Variants in ATP11A observed in about 807,000 individuals in gnomAD.
The protein encoded by ATP11A is phospholipid-transporting ATPase IH.
ATP11A carries 81 observed loss-of-function variants against 154.4 expected under a neutral mutation model. The observed-to-expected ratio is 0.52, with a 90% CI of 0.44 to 0.63. The LOEUF (loss-of-function observed/expected upper bound fraction) is 0.63. Ranked by LOEUF, ATP11A falls within the 30% of genes least tolerant of loss-of-function variation. ATP11A has a pLI of 0.00. For synonymous variants in ATP11A, 623 were observed against 585.9 expected (o/e 1.06, Z -0.91); for missense variants, 1,316 against 1,474.3 (o/e 0.89, Z 1.76).
At chr13:112,820,038 G>A (rs146635550) in intron 8 of ATP11A, 88 bp downstream of exon 8, 79 of 1,301,136 alleles carry the variant, frequency 6.1e-5, no homozygotes, top group Non-Finnish European at 8.0e-5. Context: ...TTTCCACGGC[G>A]GCTGCTCTGG....
intron 1 of ATP11A, among the ~76,000 whole-genome samples, chr13:112,778,523 C>T (rs1354143503): frequency 6.6e-6 from 1 of 152,260 alleles, no homozygotes; most frequent in Non-Finnish European, 1.5e-5. Context: ...TGCTTGAGCC[C>T]AGGAGTTCAA....
chr13:112,857,786 G>A, intron 20 of ATP11A, 32 bp from the exon 21 acceptor site: 1 of 1,547,496 alleles, frequency 6.5e-7, no homozygotes, highest in African/African-American at 1.4e-5. Context: ...GTGAAACAGA[G>A]AAGATAAATT....
rs999529465 is a variant in ATP11A, at chr13:112,883,433, G to A, written c.*1567G>A. The A allele has an allele frequency of 1.1e-5, 4 of 378,138 alleles. No individual in the cohort carries two copies. The highest frequency in any genetic ancestry group is 8.3e-5 in the African/African-American group (4 of 48,214). 23.4% of individuals were successfully genotyped at this position (378,138 alleles called of 1,614,324 possible). A position where few individuals can be genotyped will look rare whatever the true frequency, so the allele number is the denominator to read the frequency against. On this transcript the variant is annotated 3_prime_UTR_variant, in exon 30 of 30. Transcript: ENST00000375645. The stretch of plus-strand genomic sequence containing the variant: ...CGCTGGAGGAGGAGCCGGCCCTCAC[G>A]CCCGCCCCGCGCCACGCTGTGGAAC...
chr13:112,760,769 G>A (rs1594584107), intron 1 of ATP11A, among the ~76,000 whole-genome samples: 2 of 152,268 alleles, frequency 1.3e-5, no homozygotes, highest in Non-Finnish European at 2.9e-5. Context: ...GCTTTGATCT[G>A]AATTTGATAA....
chr13:112,748,409 A>G (rs1292919057), intron 1 of ATP11A, among the ~76,000 whole-genome samples: 1 of 152,014 alleles, frequency 6.6e-6, no homozygotes, highest in African/African-American at 2.4e-5. Context: ...TCTGTTGTGC[A>G]GGCTGGAGAG....
At chr13:112,810,791 C>G in intron 5 of ATP11A, 65 bp downstream of exon 5, 1 of 1,474,920 alleles carries the variant, frequency 6.8e-7, no homozygotes, top group Non-Finnish European at 9.4e-7. Context: ...TAAGTTTTAC[C>G]CAGGTGCAGT....
intron 1 of ATP11A, among the ~76,000 whole-genome samples, chr13:112,751,658 AAAAACAAAAC>A (rs910520013): frequency 6.6e-6 from 1 of 151,756 alleles, no homozygotes; most frequent in Non-Finnish European, 1.5e-5. Flanking sequence ...GCTCCATCTC[AAAAACAAAAC>A]AAAACAAAAC....
chr13:112,729,346 C>T (rs1156917160), intron 1 of ATP11A, among the ~76,000 whole-genome samples: 1 of 152,236 alleles, frequency 6.6e-6, no homozygotes, highest in Non-Finnish European at 1.5e-5. Context: ...CCGACTCTGC[C>T]CACTGAGGCA....
chr13:112,854,368 C>T lies in ATP11A; in HGVS notation c.2081C>T (p.Ala694Val), dbSNP rs769283550. The T allele has an allele frequency of 6.2e-7, 1 of 1,614,038 alleles. No individual in the cohort carries two copies. Among genetic ancestry groups the T allele is most frequent in the Non-Finnish European group, 8.5e-7 (1 of 1,180,034 alleles). ...WVLTGDKMETAAATCYACKLF... is the reference protein window; with the variant it reads ...WVLTGDKMETVAATCYACKLF... ...CTCACGGGAGACAAGATGGAGACGG[C>T]CGCGGCCACGTGCTACGCCTGCAAG... Residue 694 changes from alanine (A) to valine (V), a missense_variant, in exon 19 of 30, where the codon GCC (alanine) becomes GTC (valine). Physicochemically the swap from Ala to Val is moderately conservative, Grantham distance 64 (BLOSUM62 0). Transcript: ENST00000375645.
At chr13:112,700,759 A>G (rs1886423917) in intron 1 of ATP11A, among the ~76,000 whole-genome samples, 1 of 152,216 alleles carries the variant, frequency 6.6e-6, no homozygotes, top group South Asian at 2.1e-4. Flanking sequence ...TCTCAAACCC[A>G]GGGCCTGCAA....
rs142006780 is a variant in ATP11A at position 112,822,705 on chromosome 13, C to T, written c.726-640C>T. Among the ~76,000 whole-genome samples, 755 of 148,086 alleles carry T rather than the reference C, an allele frequency of 5.1e-3. 3 individuals carry two copies. The highest frequency in any genetic ancestry group is 7.2e-3 in the Non-Finnish European group (484 of 67,532). On this transcript the variant is annotated intron_variant, in intron 8 of 29. Coordinates refer to ENST00000375645, the MANE Select transcript of ATP11A (RefSeq NM_015205.3). Reference sequence around the variant, plus strand: ...GGTCAAGGCTGCAATGAGCTATGATCGTGCCCCCAGCCTGGGCGACAGAGT... The same window carrying T: ...GGTCAAGGCTGCAATGAGCTATGATTGTGCCCCCAGCCTGGGCGACAGAGT...
chr13:112,802,436 G>C (rs190189866), intron 2 of ATP11A, among the ~76,000 whole-genome samples: 116 of 151,500 alleles, frequency 7.7e-4, no homozygotes, highest in Non-Finnish European at 1.5e-3. Context: ...CACCCAGATA[G>C]TCAACCCATT....
At position 112,733,488 on chromosome 13, in the gene ATP11A, T is replaced by C. The variant is rs917032992; in HGVS notation, c.39+43033T>C. Among the ~76,000 whole-genome samples the C allele has an allele frequency of 2.0e-5, 3 of 152,252 alleles. No homozygotes were observed. The East Asian group carries it at 5.8e-4, about 29-fold the overall frequency. On this transcript the variant is annotated intron_variant, in intron 1 of 29. Transcript: ENST00000375645. The stretch of plus-strand genomic sequence containing the variant: ...AACAATTTAAAACACCTTTGACATA[T>C]TTTCATTTGTATTTCATGTCTTGAT...
At chr13:112,846,691 G>A (rs1317264807) in intron 17 of ATP11A, among the ~76,000 whole-genome samples, 1 of 152,230 alleles carries the variant, frequency 6.6e-6, no homozygotes, top group African/African-American at 2.4e-5. Flanking sequence ...CCTGCGTGAT[G>A]GTGGCCTGTG....
intron 1 of ATP11A, among the ~76,000 whole-genome samples, chr13:112,761,743 A>G (rs1249231361): frequency 6.6e-6 from 1 of 152,100 alleles, no homozygotes; most frequent in Non-Finnish European, 1.5e-5. Flanking sequence ...GCCCCTGAGG[A>G]TAAGGGGGTT....
chr13:112,741,566 G>A (rs1211725729), intron 1 of ATP11A, among the ~76,000 whole-genome samples: 2 of 152,280 alleles, frequency 1.3e-5, no homozygotes, highest in East Asian at 3.9e-4. Flanking sequence ...GGAGGCACTA[G>A]CCAACTGGGG....
At chr13:112,801,018 C>G (rs1453506487) in intron 2 of ATP11A, among the ~76,000 whole-genome samples, 2 of 152,134 alleles carry the variant, frequency 1.3e-5, no homozygotes, top group Non-Finnish European at 2.9e-5. Context: ...CTCCGAAAAG[C>G]CCTACAGCTG....
In ATP11A at chr13:112,878,138, G is replaced by A. The variant is rs939933644; in HGVS notation, c.3328-79G>A. On this transcript the variant is annotated intron_variant, in intron 28 of 29. Coordinates refer to ENST00000375645, the MANE Select transcript of ATP11A (RefSeq NM_015205.3). ...TTCTCTTTCCTTCCCATTTCCTTCC[G>A]TCTTCCGACCGCTTTGCCTAAATCC... 2.2e-5 allele frequency: 29 copies of A among 1,334,058 alleles called. No homozygotes were observed. The Admixed American group carries it at 2.2e-4, about 10-fold the overall frequency. The allele number at this position is 1,334,058 out of a possible 1,614,324, so 82.6% of individuals were successfully genotyped here.
At chr13:112,773,379 G>T (rs981309332) in intron 1 of ATP11A, among the ~76,000 whole-genome samples, 1 of 152,164 alleles carries the variant, frequency 6.6e-6, no homozygotes, top group Non-Finnish European at 1.5e-5. Flanking sequence ...AGGAAATGCC[G>T]CCTCTCTCTG....
Sources: allele counts gnomAD v4.1 joint callset (sites outside exome capture counted in the v4.1 genomes callset), GRCh38; gene constraint gnomAD v4.1.1; transcripts MANE v1.5; gene names NCBI Gene and HGNC (gene_info 2026-07-23, HGNC 2026-07-21).